The following CCSER1 variants were observed in gnomAD, a reference collection of about 807,000 sequenced individuals.
CCSER1 encodes serine-rich coiled-coil domain-containing protein 1.
Under a neutral mutation model 82.0 loss-of-function variants are expected in CCSER1, and 41 were observed. That is an observed-to-expected ratio of 0.50 (90% CI 0.39 to 0.65). The LOEUF is 0.65. CCSER1 is among the 30% of genes least tolerant of loss of function. CCSER1 has a pLI of 0.00. For synonymous variants in CCSER1, 414 were observed against 383.9 expected (o/e 1.08, Z -0.92); for missense variants, 1,119 against 1,064.2 (o/e 1.05, Z -0.72).
At chr4:91,577,112 G>A (rs764994969) in intron 10 of CCSER1, among the ~76,000 whole-genome samples, 2 of 152,016 alleles carry the variant, frequency 1.3e-5, no homozygotes, top group African/African-American at 2.4e-5. Context: ...GGAAAAGTAC[G>A]TTAAAATGAT....
chr4:91,261,670 A>T (rs991600235), intron 10 of CCSER1, among the ~76,000 whole-genome samples: 1 of 152,192 alleles, frequency 6.6e-6, no homozygotes, highest in African/African-American at 2.4e-5. Flanking sequence ...AGCTCTGAGC[A>T]TGGAAAACTG....
intron 1 of CCSER1, among the ~76,000 whole-genome samples, chr4:90,186,396 G>C (rs565206653): frequency 6.6e-6 from 1 of 152,052 alleles, no homozygotes; most frequent in East Asian, 1.9e-4. Flanking sequence ...GTGACTTTTT[G>C]AACCCTGCTC....
intron 10 of CCSER1, among the ~76,000 whole-genome samples, chr4:91,149,541 G>A (rs1269543135): frequency 6.6e-6 from 1 of 152,162 alleles, no homozygotes; most frequent in East Asian, 1.9e-4. Flanking sequence ...TTTTAGACAT[G>A]AAGACCTTGC....
chr4:91,341,259 C>T lies in CCSER1; in HGVS notation c.2217+255265C>T, dbSNP rs543099494. Among the ~76,000 whole-genome samples the T allele has an allele frequency of 1.1e-4, 17 of 152,208 alleles. No individual in the cohort carries two copies. The South Asian group carries it at 3.5e-3, about 32-fold the overall frequency. On this transcript the variant is annotated intron_variant, in intron 10 of 10. Transcript: ENST00000509176. ...TTTATAATTGAAAGCTACAAAAGGG[C>T]ACCATAGAGAATGGAAAATAAAAAT...
At chr4:90,819,945 A>C (rs1032194242) in intron 8 of CCSER1, among the ~76,000 whole-genome samples, 4 of 152,256 alleles carry the variant, frequency 2.6e-5, no homozygotes, top group African/African-American at 9.6e-5. Flanking sequence ...AAAACGAGAC[A>C]TACATTCTGT....
intron 3 of CCSER1, among the ~76,000 whole-genome samples, chr4:90,321,163 T>G (rs1024519628): frequency 2.6e-5 from 4 of 152,146 alleles, no homozygotes; most frequent in African/African-American, 9.7e-5. Flanking sequence ...TAGATCTTAT[T>G]CATTCTACAT....
chr4:90,696,964 G>T (rs906852844), intron 6 of CCSER1, among the ~76,000 whole-genome samples: 1 of 152,082 alleles, frequency 6.6e-6, no homozygotes, highest in East Asian at 1.9e-4. Context: ...GCTAGTTAAG[G>T]GCTGCACAGT....
At chr4:91,529,002 T>C (rs1484083545) in intron 10 of CCSER1, among the ~76,000 whole-genome samples, 2 of 152,118 alleles carry the variant, frequency 1.3e-5, no homozygotes. Context: ...GAAACAGAAA[T>C]ATTGTTACTA....
chr4:91,329,271 A>G (rs1201627274), intron 10 of CCSER1, among the ~76,000 whole-genome samples: 3 of 152,186 alleles, frequency 2.0e-5, no homozygotes, highest in East Asian at 1.9e-4. Flanking sequence ...CTGCTAAGCA[A>G]TTTTTTAAAA....
At chr4:90,715,765 G>C (rs2149344116) in intron 6 of CCSER1, among the ~76,000 whole-genome samples, 1 of 152,006 alleles carries the variant, frequency 6.6e-6, no homozygotes, top group East Asian at 1.9e-4. Context: ...TGTGTATACT[G>C]GTAGAATCTC....
At chr4:90,716,427 T>C (rs140976219) in intron 6 of CCSER1, among the ~76,000 whole-genome samples, 1,864 of 152,230 alleles carry the variant, frequency 0.012, 12 homozygotes, top group Non-Finnish European at 0.018. Flanking sequence ...CTTGCTATTA[T>C]ATAAATATTG....
At chr4:91,514,880 G>T (rs147732145) in intron 10 of CCSER1, among the ~76,000 whole-genome samples, 59 of 152,278 alleles carry the variant, frequency 3.9e-4, no homozygotes, top group African/African-American at 1.4e-3. Flanking sequence ...AAGCAGAGGA[G>T]AAATATCCTT....
At chr4:90,951,623 T>A (rs1732923112) in intron 9 of CCSER1, among the ~76,000 whole-genome samples, 1 of 152,106 alleles carries the variant, frequency 6.6e-6, no homozygotes, top group African/African-American at 2.4e-5. Context: ...AGTACATTTG[T>A]AAATATTAAT....
chr4:91,431,243 GCAA>G (rs751479669), intron 10 of CCSER1, among the ~76,000 whole-genome samples: 6 of 151,926 alleles, frequency 3.9e-5, no homozygotes, highest in African/African-American at 1.2e-4. Flanking sequence ...CTCAAAAACA[GCAA>G]CAACAACAAC....
intron 6 of CCSER1, among the ~76,000 whole-genome samples, chr4:90,718,328 G>T (rs1450358141): frequency 1.3e-5 from 2 of 151,922 alleles, no homozygotes; most frequent in Non-Finnish European, 2.9e-5. Context: ...CAGCCCAATT[G>T]ATCATGTTTC....
At chr4:91,313,846 A>T (rs1443548251) in intron 10 of CCSER1, among the ~76,000 whole-genome samples, 1 of 152,014 alleles carries the variant, frequency 6.6e-6, no homozygotes. Flanking sequence ...AGATGAGTCC[A>T]AGTAAACAAG....
At chr4:90,129,956 T>C (rs114775168) in intron 1 of CCSER1, among the ~76,000 whole-genome samples, 5,586 of 152,338 alleles carry the variant, frequency 0.037, 141 homozygotes, top group South Asian at 0.061. Context: ...AACTGTATTA[T>C]TGCAATCATT....
chr4:91,596,984 T>C (rs1194502375), intron 10 of CCSER1, among the ~76,000 whole-genome samples: 2 of 152,044 alleles, frequency 1.3e-5, no homozygotes, highest in Non-Finnish European at 2.9e-5. Context: ...TGGGTCTTTG[T>C]TTTGTAGAAA....
chr4:90,190,627 T>C (rs1230565333), intron 1 of CCSER1, among the ~76,000 whole-genome samples: 1 of 152,140 alleles, frequency 6.6e-6, no homozygotes, highest in East Asian at 1.9e-4. Flanking sequence ...AGACAGGCTA[T>C]TCTTGGCCAC....
Sources: allele counts gnomAD v4.1 joint callset (sites outside exome capture counted in the v4.1 genomes callset), GRCh38; gene constraint gnomAD v4.1.1; transcripts MANE v1.5; gene names NCBI Gene and HGNC (gene_info 2026-07-23, HGNC 2026-07-21).